The following MXRA7 variants were observed in gnomAD, a reference collection of about 807,000 sequenced individuals.
MXRA7 encodes the protein matrix remodeling associated 7, also known as matrix-remodeling-associated protein 7.
In MXRA7, 18 loss-of-function variants were observed where a neutral mutation model predicts 17.4. That is an observed-to-expected ratio of 1.03 (90% confidence interval 0.71 to 1.53). MXRA7 has a LOEUF of 1.53. MXRA7 is among the 40% of genes most tolerant of loss of function. The pLI, the probability that MXRA7 is intolerant of heterozygous loss-of-function variation, is 0.00. For missense variants in MXRA7, 141 were observed against 209.3 expected (o/e 0.67, Z 2.01); for synonymous variants, 70 against 101.7 (o/e 0.69, Z 1.87).
At chr17:76,687,042 G>A (rs777564762) in intron 2 of MXRA7, among the ~76,000 whole-genome samples, 18 of 152,158 alleles carry the variant, frequency 1.2e-4, no homozygotes, top group Non-Finnish European at 2.1e-4. Flanking sequence ...CCTCCCTCCC[G>A]TGTCCCCAAG....
Position 76,710,949 on chromosome 17 carries a change from C to G in MXRA7, c.-3G>C. The G allele has an allele frequency of 1.0e-6, 1 of 992,514 alleles. No individual in the cohort carries two copies. The highest frequency in any genetic ancestry group is 1.2e-6 in the Non-Finnish European group (1 of 837,690). The allele number at this position is 992,514 out of a possible 1,614,324, so 61.5% of individuals were successfully genotyped here. ...AGTAGCTCGGCCGGCGCCTCCATCG[C>G]GCCGCGGCCGCCGAGTGCGGGCCAG... is the stretch of plus-strand genomic sequence containing the variant. On this transcript the variant is annotated 5_prime_UTR_variant, in exon 1 of 4. Transcript: ENST00000449428.
chr17:76,688,229 G>A (rs2076427097), intron 1 of MXRA7, 53 bp from the exon 2 acceptor site: 2 of 1,610,710 alleles, frequency 1.2e-6, no homozygotes, highest in Non-Finnish European at 1.7e-6. Context: ...GTGATGGGAA[G>A]TGGTGGGGGG....
At chr17:76,703,474 T>C (rs2076618582) in intron 1 of MXRA7, among the ~76,000 whole-genome samples, 1 of 151,720 alleles carries the variant, frequency 6.6e-6, no homozygotes, top group Non-Finnish European at 1.5e-5. Context: ...ACAAAACTTA[T>C]CCAGGCATAG....
At chr17:76,702,067 C>T (rs941206212) in intron 1 of MXRA7, among the ~76,000 whole-genome samples, 6 of 152,200 alleles carry the variant, frequency 3.9e-5, no homozygotes, top group Admixed American at 1.3e-4. Context: ...CTAGGTGCTA[C>T]ATTTTGAGAT....
At chr17:76,684,183 T>C (rs566545238) in intron 3 of MXRA7, among the ~76,000 whole-genome samples, 4 of 152,156 alleles carry the variant, frequency 2.6e-5, no homozygotes, top group Non-Finnish European at 5.9e-5. Context: ...CATGCAGCCA[T>C]GAGAGGGCAG....
Position 76,710,840 on chromosome 17 carries a change from T to C in MXRA7, c.107A>G (p.Glu36Gly), listed in dbSNP as rs112964240. 77,235 of 960,266 alleles carry C rather than the reference T, an allele frequency of 0.08. 3,818 individuals carry two copies. The highest frequency in any genetic ancestry group is 0.22 in the African/African-American group (12,316 of 55,482). 59.5% of individuals were successfully genotyped at this position (960,266 alleles called of 1,614,324 possible). A position where few individuals can be genotyped will look rare whatever the true frequency, so the allele number is the denominator to read the frequency against. Residue 36 changes from glutamate to glycine, a missense_variant, in exon 1 of 4, where the codon GAG becomes GGG. Physicochemically the swap from Glu to Gly is moderately conservative, Grantham distance 98 (BLOSUM62 -2). Transcript: ENST00000449428. Reference sequence around the variant, plus strand: ...GGGTTCCGGGGGCGCGCGGGCAGGCTCCGGGCTCGCGGCCGCCCCACGCCG... The same window carrying C: ...GGGTTCCGGGGGCGCGCGGGCAGGCCCCGGGCTCGCGGCCGCCCCACGCCG... The part of the protein sequence containing the change: ...LVRRGAAASP[E>G]PARAPPEPAP...
rs765739021 is a variant in MXRA7, at chr17:76,685,136, C to T, written c.436G>A (p.Gly146Arg). Residue 146 changes from glycine to arginine, a missense_variant, in exon 3 of 4, where the codon GGG becomes AGG. Physicochemically the swap from Gly to Arg is moderately radical, Grantham distance 125. This residue lies in a region of MXRA7 where 67 missense variants were observed against 80.3 expected (regional missense o/e 0.83). Transcript: ENST00000449428. ...TTGTACTGGTTTCCCCTCAGCTTCC[C>T]GGGGCTGTATTTGAAGGAGAAGCCT... is the stretch of plus-strand genomic sequence containing the variant. ...GEGFSFKYSP[G>R]KLRGNQYKKM... The T allele has an allele frequency of 6.2e-6, 10 of 1,613,894 alleles. No homozygotes were observed. Among genetic ancestry groups the T allele is most frequent in the African/African-American group, 4.0e-5 (3 of 74,892 alleles).
chr17:76,688,065 A>AC (rs1567981229), intron 2 of MXRA7, 48 bp downstream of exon 2: 1 of 1,527,314 alleles, frequency 6.5e-7, no homozygotes, highest in Admixed American at 1.8e-5. Flanking sequence ...GACACAGACC[A>AC]CCCCCGACAC....
intron 1 of MXRA7, among the ~76,000 whole-genome samples, chr17:76,695,353 G>GGGGTGT (rs1555643782): frequency 4.7e-5 from 7 of 147,998 alleles, no homozygotes; most frequent in South Asian, 2.2e-4. Flanking sequence ...TTTAGCTTCA[G>GGGGTGT]GTGTGTGTGT....
At chr17:76,688,073 C>G (rs1465096159) in intron 2 of MXRA7, 40 bp downstream of exon 2, 3 of 1,606,982 alleles carry the variant, frequency 1.9e-6, no homozygotes, top group African/African-American at 2.7e-5. Flanking sequence ...CCACCCCCGA[C>G]ACTGTCAGGC....
At chr17:76,696,930 C>T (rs777723222) in intron 1 of MXRA7, among the ~76,000 whole-genome samples, 6 of 152,150 alleles carry the variant, frequency 3.9e-5, no homozygotes, top group Non-Finnish European at 7.4e-5. Flanking sequence ...TCAAAGGAAA[C>T]GGAACAGAGC....
intron 1 of MXRA7, among the ~76,000 whole-genome samples, chr17:76,706,447 A>C (rs78083762): frequency 0.039 from 5,175 of 132,758 alleles, 368 homozygotes; most frequent in East Asian, 0.18. Context: ...ACTGCCATCA[A>C]AAAGGACCAC....
chr17:76,672,849 G>A (rs1456249357), exon 4 of MXRA7: 1 of 152,216 alleles, frequency 6.6e-6, no homozygotes, highest in Non-Finnish European at 1.5e-5. Flanking sequence ...GGAGAATCCG[G>A]TGGAAGCCCT....
chr17:76,708,357 G>A (rs1049005597), intron 1 of MXRA7, among the ~76,000 whole-genome samples: 4 of 152,202 alleles, frequency 2.6e-5, no homozygotes, highest in African/African-American at 9.6e-5. Flanking sequence ...AGTGACTTCC[G>A]AGCTAACAGC....
chr17:76,690,119 G>A (rs2076463248), intron 1 of MXRA7: 1 of 152,120 alleles, frequency 6.6e-6, no homozygotes, highest in African/African-American at 2.4e-5. Context: ...GAGCAGCGCA[G>A]TCATCTTGCT....
intron 1 of MXRA7, chr17:76,688,537 A>C: frequency 7.8e-7 from 1 of 1,276,650 alleles, no homozygotes; most frequent in Non-Finnish European, 9.9e-7. Context: ...TGCAAGAGGA[A>C]AGCTGGCTGG....
intron 1 of MXRA7, among the ~76,000 whole-genome samples, chr17:76,710,205 G>A (rs1240439728): frequency 4.6e-5 from 7 of 152,200 alleles, no homozygotes; most frequent in Non-Finnish European, 1.0e-4. Context: ...TGGCAGGCCT[G>A]GAAATAAGCC....
intron 1 of MXRA7, among the ~76,000 whole-genome samples, chr17:76,707,871 C>T (rs113671718): frequency 4.0e-4 from 61 of 152,332 alleles, no homozygotes; most frequent in African/African-American, 1.4e-3. Flanking sequence ...TTCTTGACTT[C>T]GTTGGCTCAT....
At chr17:76,683,605 T>G (rs1336147087) in intron 3 of MXRA7, among the ~76,000 whole-genome samples, 1 of 152,158 alleles carries the variant, frequency 6.6e-6, no homozygotes, top group Non-Finnish European at 1.5e-5. Context: ...GCCGGCCCAT[T>G]AGGCCCCCTC....
Sources: allele counts gnomAD v4.1 joint callset (sites outside exome capture counted in the v4.1 genomes callset), GRCh38; gene constraint gnomAD v4.1.1; regional missense constraint gnomAD v4.1.1; transcripts MANE v1.5; gene names NCBI Gene and HGNC (gene_info 2026-07-23, HGNC 2026-07-21).